ERO1B: variants seen among roughly 807,000 people sequenced by gnomAD.
ERO1B encodes the protein ERO1-like protein beta.
ERO1B carries 49 observed loss-of-function variants against 75.3 expected under a neutral mutation model. The observed-to-expected ratio is 0.65, with a 90% CI of 0.52 to 0.83. The LOEUF (loss-of-function observed/expected upper bound fraction) is 0.83. ERO1B is among the 40% of genes least tolerant of loss of function. The pLI is 0.00. For synonymous variants in ERO1B, 191 were observed against 192.9 expected, an observed-to-expected ratio of 0.99 and a Z score of 0.08; for missense variants, 512 against 560.1, an observed-to-expected ratio of 0.91 and a Z score of 0.87.
intron 3 of ERO1B, 151 bp from the exon 4 acceptor site, chr1:236,252,242 T>C: frequency 1.6e-6 from 1 of 611,668 alleles, no homozygotes; most frequent in Non-Finnish European, 2.9e-6. Flanking sequence ...GTTTTCACAC[T>C]ATCTCATAAA....
rs771050460 is a variant in ERO1B at position 236,243,456 on chromosome 1, A to G, written c.471T>C (p.Tyr157=). ...SKEAFIDWAR[Y]DDSRDHFCEL... ...CACAAAAGTGATCCCGTGAATCATC[A>G]TATCTTGCCCAGTCAATGAAAGCTT... Residue 157 remains tyrosine, a synonymous_variant, in exon 6 of 16, where the codon TAT becomes TAC. Coordinates refer to ENST00000354619, the MANE Select transcript of ERO1B (RefSeq NM_019891.4). 1.7e-5 allele frequency: 27 copies of G among 1,605,542 alleles called. No individual in the cohort carries two copies. The highest frequency in any genetic ancestry group is 2.0e-5 in the Non-Finnish European group (23 of 1,175,592).
intron 6 of ERO1B, among the ~76,000 whole-genome samples, chr1:236,237,053 C>G (rs1664562740): frequency 6.6e-6 from 1 of 150,920 alleles, no homozygotes; most frequent in African/African-American, 2.4e-5. Context: ...ATATTTAAAA[C>G]TAAATAACCA....
intron 12 of ERO1B, 70 bp downstream of exon 12, chr1:236,226,199 G>T: frequency 6.6e-7 from 1 of 1,516,144 alleles, no homozygotes; most frequent in Non-Finnish European, 8.9e-7. Context: ...GTCAGTTTTT[G>T]TGTACTTTAA....
At chr1:236,225,614 C>T (rs1664258774) in intron 12 of ERO1B, among the ~76,000 whole-genome samples, 1 of 152,202 alleles carries the variant, frequency 6.6e-6, no homozygotes, top group Admixed American at 6.6e-5. Flanking sequence ...AATGCAAACA[C>T]ATGTATATTA....
At chr1:236,224,944 A>C in intron 13 of ERO1B, 126 bp downstream of exon 13, 1 of 836,314 alleles carries the variant, frequency 1.2e-6, no homozygotes. Flanking sequence ...ATTTGTATTA[A>C]AATCCAATCA....
chr1:236,268,736 A>C (rs1304052392), intron 2 of ERO1B, among the ~76,000 whole-genome samples: 2 of 150,750 alleles, frequency 1.3e-5, no homozygotes, highest in Non-Finnish European at 3.0e-5. Flanking sequence ...AATACAAAAT[A>C]TTAGCCGTGC....
chr1:236,219,874 A>T (rs933639818), intron 15 of ERO1B, among the ~76,000 whole-genome samples: 1 of 151,988 alleles, frequency 6.6e-6, no homozygotes, highest in Non-Finnish European at 1.5e-5. Flanking sequence ...AAATTTTTTA[A>T]TTAGCCAGGC....
At chr1:236,233,331 G>C (rs1272206886) in intron 8 of ERO1B, among the ~76,000 whole-genome samples, 1 of 148,832 alleles carries the variant, frequency 6.7e-6, no homozygotes, top group Non-Finnish European at 1.5e-5. Context: ...AAAGAAGAAG[G>C]CTGGGCACGG....
intron 10 of ERO1B, among the ~76,000 whole-genome samples, chr1:236,228,767 C>T (rs374456126): frequency 8.3e-4 from 126 of 152,304 alleles, no homozygotes; most frequent in African/African-American, 2.7e-3. Flanking sequence ...CTCCTCTCCA[C>T]GCTCCAGATG....
At chr1:236,247,547 T>G (rs957158111) in intron 5 of ERO1B, among the ~76,000 whole-genome samples, 1 of 152,206 alleles carries the variant, frequency 6.6e-6, no homozygotes, top group Non-Finnish European at 1.5e-5. Flanking sequence ...ACTACGATAA[T>G]CACGTAATAA....
chr1:236,239,682 C>T (rs1664634104), intron 6 of ERO1B, among the ~76,000 whole-genome samples: 1 of 151,008 alleles, frequency 6.6e-6, no homozygotes, highest in African/African-American at 2.4e-5. Context: ...CTACTATGAC[C>T]CTCTCCCACA....
In ERO1B at chr1:236,258,149, C is replaced by CAAAAAAAAAAAAAAAAAAAAAAAAAAAAA. The variant is rs58531434; in HGVS notation, c.223-4645_223-4644insTTTTTTTTTTTTTTTTTTTTTTTTTTTTT. 2.1e-5 allele frequency among the ~76,000 whole-genome samples: 2 copies of CAAAAAAAAAAAAAAAAAAAAAAAAAAAAA among 96,572 alleles called. 1 individual carries two copies. Among genetic ancestry groups the CAAAAAAAAAAAAAAAAAAAAAAAAAAAAA allele is most frequent in the Non-Finnish European group, 3.7e-5 (2 of 53,806 alleles). The allele number at this position is 96,572 out of a possible 152,430, so 63.4% of individuals were successfully genotyped here. A position where few individuals can be genotyped will look rare whatever the true frequency, so the allele number is the denominator to read the frequency against. The stretch of plus-strand genomic sequence containing the variant: ...AGAAAGAAAAAAAAGAAAAACAAAG[C>CAAAAAAAAAAAAAAAAAAAAAAAAAAAAA]AAAAAAAAAAAAAACCCAGCCAGAT... On this transcript the variant is annotated intron_variant, in intron 2 of 15. Transcript: ENST00000354619.
At chr1:236,261,507 C>G (rs978555745) in intron 2 of ERO1B, among the ~76,000 whole-genome samples, 1 of 152,118 alleles carries the variant, frequency 6.6e-6, no homozygotes, top group Admixed American at 6.5e-5. Flanking sequence ...TATACACTAA[C>G]AATGAACAAT....
chr1:236,236,320 G>A lies in ERO1B; in HGVS notation c.584C>T (p.Ala195Val). ...ATAGATGCTGTTCCACACTCTCCATGCAGAGGTCCCTTTATAGCCAGTGTA... is the reference window on the plus strand; with the variant it reads ...ATAGATGCTGTTCCACACTCTCCATACAGAGGTCCCTTTATAGCCAGTGTA... Reference protein sequence around the residue: ...ERYTGYKGTSAWRVWNSIYEE... With the variant: ...ERYTGYKGTSVWRVWNSIYEE... Residue 195 changes from alanine to valine, a missense_variant, in exon 7 of 16, where the codon GCA becomes GTA. Transcript: ENST00000354619. 6.2e-7 allele frequency: 1 copy of A among 1,613,238 alleles called. No individual in the cohort carries two copies. The highest frequency in any genetic ancestry group is 8.5e-7 in the Non-Finnish European group (1 of 1,179,768).
At chr1:236,258,161 A>AAAAAAAAAAAAAAAAAAAAAAAAAG (rs1484741998) in intron 2 of ERO1B, among the ~76,000 whole-genome samples, 1 of 145,030 alleles carries the variant, frequency 6.9e-6, no homozygotes, top group Non-Finnish European at 1.5e-5. Context: ...AAAAAAAAAA[A>AAAAAAAAAAAAAAAAAAAAAAAAAG]AACCCAGCCA....
Position 236,220,905 on chromosome 1 carries a change from G to C in ERO1B, c.1270C>G (p.Pro424Ala). Reference sequence around the variant, plus strand: ...AAGCCTTTAGATGGACTATTCTCTGGAAGCTTTTGGATTTCTTTTTCAGAG... The same window carrying C: ...AAGCCTTTAGATGGACTATTCTCTGCAAGCTTTTGGATTTCTTTTTCAGAG... The part of the protein sequence containing the change: ...LFSEKEIQKL[P>A]ENSPSKGFQL... Residue 424 changes from proline (P) to alanine (A), a missense_variant, in exon 15 of 16, where the codon CCA (proline) becomes GCA (alanine). Transcript: ENST00000354619. 2 of 1,604,352 alleles carry C rather than the reference G, an allele frequency of 1.2e-6. No individual in the cohort carries two copies. The highest frequency in any genetic ancestry group is 1.7e-6 in the Non-Finnish European group (2 of 1,175,660).
chr1:236,243,748 T>G (rs1427175397), intron 5 of ERO1B, among the ~76,000 whole-genome samples: 1 of 152,122 alleles, frequency 6.6e-6, no homozygotes, highest in Non-Finnish European at 1.5e-5. Flanking sequence ...AATAATTATT[T>G]CAAGGAGAAA....
At chr1:236,281,403 G>C (rs1029456594) in intron 1 of ERO1B, 2 of 304,260 alleles carry the variant, frequency 6.6e-6, no homozygotes, top group East Asian at 5.2e-5. Context: ...TAACACATCC[G>C]AGAGGAAAAA....
chr1:236,235,468 G>A (rs772263159), intron 8 of ERO1B, among the ~76,000 whole-genome samples: 7 of 152,138 alleles, frequency 4.6e-5, no homozygotes, highest in Admixed American at 2.0e-4. Flanking sequence ...TTAATATAGC[G>A]TAGGGCCTGA....
Sources: allele counts gnomAD v4.1 joint callset (sites outside exome capture counted in the v4.1 genomes callset), GRCh38; gene constraint gnomAD v4.1.1; transcripts MANE v1.5; gene names NCBI Gene and HGNC (gene_info 2026-07-23, HGNC 2026-07-21).